Variants in PCDHGA6 observed in about 807,000 individuals in gnomAD.
PCDHGA6 encodes the protein protocadherin gamma subfamily A, 6, also known as protocadherin gamma-A6.
In PCDHGA6, 41 loss-of-function variants were observed where a neutral mutation model predicts 60.6. The ratio of observed to expected loss-of-function variants is 0.68; its 90% CI spans 0.53 to 0.88. The LOEUF (loss-of-function observed/expected upper bound fraction) is 0.88. Among genes scored for constraint, PCDHGA6 ranks in the 40% least tolerant of loss-of-function variants. The pLI is 0.00. For synonymous variants in PCDHGA6, 594 were observed against 524.4 expected (o/e 1.13, Z -1.81); for missense variants, 1,312 against 1,203.0 (o/e 1.09, Z -1.34).
intron 1 of PCDHGA6, chr5:141,418,168 G>T (rs2096233804): frequency 6.2e-7 from 1 of 1,613,946 alleles, no homozygotes. Context: ...GAAGATGTGA[G>T]TTGCAATTGG....
intron 1 of PCDHGA6, among the ~76,000 whole-genome samples, chr5:141,458,065 G>A (rs55848374): frequency 0.098 from 14,910 of 152,232 alleles, 965 homozygotes; most frequent in Non-Finnish European, 0.14. Flanking sequence ...GCACTGATGC[G>A]AACAACTATA....
At chr5:141,419,570 G>T in intron 1 of PCDHGA6, 1 of 1,611,766 alleles carries the variant, frequency 6.2e-7, no homozygotes. Context: ...GGGTCCCGAC[G>T]GCTCCGCGCT....
At chr5:141,427,890 G>A in intron 1 of PCDHGA6, 1 of 1,566,844 alleles carries the variant, frequency 6.4e-7, no homozygotes, top group Non-Finnish European at 8.7e-7. Flanking sequence ...CCACGACCAG[G>A]GCTCGCCCGC....
Position 141,393,858 on chromosome 5 carries a change from A to G in PCDHGA6, c.2424+17351A>G, listed in dbSNP as rs777304987. The G allele has an allele frequency of 1.2e-5, 20 of 1,613,912 alleles. No homozygotes were observed. Among genetic ancestry groups the G allele is most frequent in the Admixed American group, 8.3e-5 (5 of 60,008 alleles). On this transcript the variant is annotated intron_variant, in intron 1 of 3. Transcript: ENST00000517434. ...AAATGACAATAGACCAGAAGTGATC[A>G]TTACGTCTTTGTTTAGCCCAGTGTT...
chr5:141,510,893 G>C (rs1334514746), intron 3 of PCDHGA6, 54 bp from the exon 4 acceptor site: 1 of 1,612,722 alleles, frequency 6.2e-7, no homozygotes, highest in African/African-American at 1.3e-5. Context: ...ATAAGACAGT[G>C]ACTGTTGAGG....
chr5:141,429,377 GTT>G (rs566693637), intron 1 of PCDHGA6, among the ~76,000 whole-genome samples: 7 of 149,436 alleles, frequency 4.7e-5, no homozygotes, highest in African/African-American at 1.7e-4. Flanking sequence ...GAGAAAATGT[GTT>G]TTTTTTTTAA....
At chr5:141,398,811 C>T (rs1231007055) in intron 1 of PCDHGA6, 4 of 1,613,862 alleles carry the variant, frequency 2.5e-6, no homozygotes, top group Non-Finnish European at 3.4e-6. Context: ...CCACTGAGCT[C>T]CGGATCCAGG....
At position 141,418,815 on chromosome 5, in the gene PCDHGA6, T is replaced by C. The variant is rs368396202; in HGVS notation, c.2424+42308T>C. The stretch of plus-strand genomic sequence containing the variant: ...GAAGTAGAAAGATATACGATAAACA[T>C]AGAAGCAAAAGACCGAGGATCTCTC... On this transcript the variant is annotated intron_variant, in intron 1 of 3. Transcript: ENST00000517434. 509 of 1,613,744 alleles carry C rather than the reference T, an allele frequency of 3.2e-4. No homozygotes were observed. The highest frequency in any genetic ancestry group is 4.1e-4 in the Non-Finnish European group (488 of 1,179,804).
chr5:141,449,256 A>C (rs929920180), intron 1 of PCDHGA6, among the ~76,000 whole-genome samples: 5 of 152,176 alleles, frequency 3.3e-5, no homozygotes, highest in Non-Finnish European at 5.9e-5. Context: ...CAAGAATTGT[A>C]CAAAGAACTG....
rs1562150111 is a variant in PCDHGA6, at chr5:141,491,805, T to G, written c.2425-3002T>G. 1 of 1,495,892 alleles carries G rather than the reference T, an allele frequency of 6.7e-7. No homozygotes were observed. 92.7% of individuals were successfully genotyped at this position (1,495,892 alleles called of 1,614,324 possible). A position where few individuals can be genotyped will look rare whatever the true frequency, so the allele number is the denominator to read the frequency against. On this transcript the variant is annotated intron_variant, in intron 1 of 3. Coordinates refer to ENST00000517434, the MANE Select transcript of PCDHGA6 (RefSeq NM_018919.3). This position sits in a 1 kb window ranked among gnomAD's most constrained non-coding sequence, Gnocchi z 6.9. ...TGCATCCACTCCTCTCCGGCCGGCT[T>G]GGTCGCTGGCTGCGCTCCACCCGAT... is the stretch of plus-strand genomic sequence containing the variant.
At chr5:141,417,943 G>A (rs772925118) in intron 1 of PCDHGA6, 2 of 1,613,194 alleles carry the variant, frequency 1.2e-6, no homozygotes, top group Admixed American at 1.7e-5. Flanking sequence ...TCTACCCCAC[G>A]CTGTGTGAGC....
Position 141,476,659 on chromosome 5 carries a change from G to C in PCDHGA6, c.2425-18148G>C. On this transcript the variant is annotated intron_variant, in intron 1 of 3. Transcript: ENST00000517434. This position sits in a 1 kb window ranked among gnomAD's most constrained non-coding sequence, Gnocchi z 7.6. ...AGCTGAGCCGAAATGAATACTTTGCGCTTCGCGTGCAGACGCGGGAGGACA... is the reference window on the plus strand; with the variant it reads ...AGCTGAGCCGAAATGAATACTTTGCCCTTCGCGTGCAGACGCGGGAGGACA... 1 of 1,614,252 alleles carries C rather than the reference G, an allele frequency of 6.2e-7. No individual in the cohort carries two copies. The highest frequency in any genetic ancestry group is 8.5e-7 in the Non-Finnish European group (1 of 1,180,048).
At chr5:141,456,044 C>T (rs1307913066) in intron 1 of PCDHGA6, among the ~76,000 whole-genome samples, 2 of 151,826 alleles carry the variant, frequency 1.3e-5, no homozygotes, top group African/African-American at 2.4e-5. Context: ...ACTACAGGCG[C>T]CCACCACCAC....
intron 1 of PCDHGA6, chr5:141,413,082 A>C: frequency 3.7e-6 from 5 of 1,344,442 alleles, no homozygotes; most frequent in Non-Finnish European, 5.1e-6. Context: ...CCCAGGCTAC[A>C]GAGACACCCT....
At chr5:141,416,993 C>T (rs1230909560) in intron 1 of PCDHGA6, 1 of 151,494 alleles carries the variant, frequency 6.6e-6, no homozygotes, top group Non-Finnish European at 1.5e-5. Context: ...ATTGTGCATT[C>T]ATCTCAAATA....
chr5:141,398,563 G>A lies in PCDHGA6; in HGVS notation c.2424+22056G>A, dbSNP rs375890903. The A allele has an allele frequency of 2.4e-5, 39 of 1,613,842 alleles. No individual in the cohort carries two copies. The African/African-American group carries it at 3.2e-4, about 13-fold the overall frequency. On this transcript the variant is annotated intron_variant, in intron 1 of 3. Coordinates refer to ENST00000517434, the MANE Select transcript of PCDHGA6 (RefSeq NM_018919.3). Reference sequence around the variant, plus strand: ...CTTTGAGCTGCAAATAAGTGAGTCTGCACAGCCTGGCACAAGATTTATACT... The same window carrying A: ...CTTTGAGCTGCAAATAAGTGAGTCTACACAGCCTGGCACAAGATTTATACT...
At chr5:141,468,802 C>G (rs928501013) in intron 1 of PCDHGA6, among the ~76,000 whole-genome samples, 1 of 151,620 alleles carries the variant, frequency 6.6e-6, no homozygotes, top group African/African-American at 2.4e-5. Context: ...GGAGGCGGAA[C>G]TTGCAGTGAG....
At chr5:141,453,093 C>A (rs1408495535) in intron 1 of PCDHGA6, among the ~76,000 whole-genome samples, 1 of 151,928 alleles carries the variant, frequency 6.6e-6, no homozygotes, top group African/African-American at 2.4e-5. Context: ...AGTATATTTT[C>A]TGTTGCTTTT....
At chr5:141,384,192 C>G in intron 1 of PCDHGA6, 1 of 1,613,866 alleles carries the variant, frequency 6.2e-7, no homozygotes. Flanking sequence ...GAACTCCTCC[C>G]TTGTCCAGGG....
Sources: allele counts gnomAD v4.1 joint callset (sites outside exome capture counted in the v4.1 genomes callset), GRCh38; gene constraint gnomAD v4.1.1; non-coding constraint Gnocchi (gnomAD v3.1); transcripts MANE v1.5; gene names NCBI Gene and HGNC (gene_info 2026-07-23, HGNC 2026-07-21).